AMBRA1: variants seen among roughly 807,000 people sequenced by gnomAD.
AMBRA1 encodes the protein activating molecule in BECN1-regulated autophagy protein 1.
Under a neutral mutation model 125.4 loss-of-function variants are expected in AMBRA1, and 47 were observed. The ratio of observed to expected loss-of-function variants is 0.37; its 90% CI spans 0.30 to 0.48. The LOEUF is 0.48. Ranked by LOEUF, AMBRA1 falls within the 20% of genes least tolerant of loss-of-function variation. The pLI is 0.99. For synonymous variants in AMBRA1, 626 were observed against 655.5 expected (o/e 0.95, Z 0.69); for missense variants, 1,331 against 1,693.4 (o/e 0.79, Z 3.76).
rs774440639 is a variant in AMBRA1, at chr11:46,542,029, T to G, written c.1988A>C (p.Gln663Pro). The change falls in exon 7 of 18, where the codon CAG (glutamine) becomes CCG (proline). Residue 663 changes from glutamine to proline, a missense_variant. Coordinates refer to ENST00000683756, the MANE Select transcript of AMBRA1 (RefSeq NM_001387011.1). The surrounding 1 kb of genome is among the most constrained non-coding windows in gnomAD (Gnocchi z 5.9). ...ETGHWERIYT[Q>P]SSRSGTVSQE... ...TGACACAGTTCCAGATCTGCTGGAC[T>G]GGGTGTAAATTCTTTCCCAGTGGCC... The G allele has an allele frequency of 6.2e-7, 1 of 1,614,072 alleles. No individual in the cohort carries two copies. Among genetic ancestry groups the G allele is most frequent in the South Asian group, 1.1e-5 (1 of 91,068 alleles).
chr11:46,579,045 T>TTA (rs755297972), intron 1 of AMBRA1, among the ~76,000 whole-genome samples: 4,930 of 67,936 alleles, frequency 0.073, 128 homozygotes, highest in Non-Finnish European at 0.11. Flanking sequence ...AAGAAAGCAA[T>TTA]AAAAAAAAAA....
intron 1 of AMBRA1, among the ~76,000 whole-genome samples, chr11:46,580,856 G>A (rs1312562224): frequency 1.8e-4 from 28 of 152,106 alleles, no homozygotes; most frequent in Non-Finnish European, 1.5e-5. Flanking sequence ...CAGTATCATG[G>A]TTTAAGCTAA....
At chr11:46,409,975 C>T (rs1053341162) in intron 16 of AMBRA1, among the ~76,000 whole-genome samples, 3 of 152,188 alleles carry the variant, frequency 2.0e-5, no homozygotes, top group Admixed American at 6.5e-5. Flanking sequence ...CTTCATGGGG[C>T]GGCATCCTTC....
At chr11:46,447,078 C>T (rs1443336105) in intron 11 of AMBRA1, among the ~76,000 whole-genome samples, 3 of 152,160 alleles carry the variant, frequency 2.0e-5, no homozygotes, top group Non-Finnish European at 4.4e-5. Context: ...ATAGTACCTA[C>T]AACTTACAGG....
At chr11:46,514,096 T>A (rs1951378844) in intron 7 of AMBRA1, among the ~76,000 whole-genome samples, 1 of 152,180 alleles carries the variant, frequency 6.6e-6, no homozygotes, top group Non-Finnish European at 1.5e-5. Context: ...TGCCTGCCTT[T>A]CCTAGGAACA....
rs760490717 is a variant in AMBRA1, at chr11:46,557,136, CA to C, written c.-120-8637del. On this transcript the variant is annotated intron_variant, in intron 1 of 17. Coordinates refer to ENST00000683756, the MANE Select transcript of AMBRA1 (RefSeq NM_001387011.1). ...GGGCAACAAGAGCGAAACTCCATCT[CA>C]AAAAAAAAAAAAAATTAGCCAGGCA... Among the ~76,000 whole-genome samples the C allele has an allele frequency of 5.4e-3, 611 of 113,106 alleles. 2 individuals are homozygous for C. Among genetic ancestry groups the C allele is most frequent in the Middle Eastern group, 5.4e-3 (1 of 184 alleles). 74.2% of individuals were successfully genotyped at this position (113,106 alleles called of 152,430 possible).
chr11:46,493,918 A>C, intron 10 of AMBRA1: 1 of 645,438 alleles, frequency 1.5e-6, no homozygotes, highest in Non-Finnish European at 2.6e-6. Flanking sequence ...TTCTGTTCTT[A>C]AACAGGATTC....
At chr11:46,540,499 C>T (rs1255246856) in intron 7 of AMBRA1, among the ~76,000 whole-genome samples, 2 of 152,154 alleles carry the variant, frequency 1.3e-5, no homozygotes, top group Non-Finnish European at 2.9e-5. Flanking sequence ...TGGTTTCAAG[C>T]ATATGGGCAG....
rs1216472647 is a variant in AMBRA1, at chr11:46,494,213, A to T, written c.2340-9T>A. ...ATCTGTCACCATTGTCCCTGAAAAAAATAAAAACACTACACATAAGAGAGT... is the reference window on the plus strand; with the variant it reads ...ATCTGTCACCATTGTCCCTGAAAAATATAAAAACACTACACATAAGAGAGT... On this transcript the variant is annotated splice_polypyrimidine_tract_variant and intron_variant, in intron 9 of 17. Coordinates refer to ENST00000683756, the MANE Select transcript of AMBRA1 (RefSeq NM_001387011.1). The T allele has an allele frequency of 6.9e-6, 11 of 1,592,634 alleles. No homozygotes were observed. The highest frequency in any genetic ancestry group is 9.4e-6 in the Non-Finnish European group (11 of 1,167,620).
intron 1 of AMBRA1, among the ~76,000 whole-genome samples, chr11:46,580,535 C>A (rs1239966055): frequency 6.6e-6 from 1 of 152,146 alleles, no homozygotes; most frequent in African/African-American, 2.4e-5. Flanking sequence ...CTTCATCTAC[C>A]CAGATGCTCA....
intron 12 of AMBRA1, among the ~76,000 whole-genome samples, chr11:46,442,974 G>C (rs1458799508): frequency 6.6e-6 from 1 of 152,116 alleles, no homozygotes; most frequent in African/African-American, 2.4e-5. Flanking sequence ...CGCCTGCCTT[G>C]GCCTCCCAAA....
At chr11:46,577,129 A>G (rs2043985677) in intron 1 of AMBRA1, among the ~76,000 whole-genome samples, 1 of 152,206 alleles carries the variant, frequency 6.6e-6, no homozygotes, top group Non-Finnish European at 1.5e-5. Context: ...GTATATTCCT[A>G]AAATAACTGA....
chr11:46,558,033 C>A (rs1409091004), intron 1 of AMBRA1, among the ~76,000 whole-genome samples: 1 of 152,050 alleles, frequency 6.6e-6, no homozygotes, highest in African/African-American at 2.4e-5. Flanking sequence ...ATCAAGATAC[C>A]AAGCAAATGA....
chr11:46,499,423 T>C (rs1950749946), intron 9 of AMBRA1, among the ~76,000 whole-genome samples: 2 of 152,202 alleles, frequency 1.3e-5, no homozygotes, highest in African/African-American at 4.8e-5. Context: ...TGCCCAGTAA[T>C]TCTAATTCTA....
At chr11:46,507,957 G>A (rs1182462062) in intron 9 of AMBRA1, among the ~76,000 whole-genome samples, 2 of 152,248 alleles carry the variant, frequency 1.3e-5, no homozygotes, top group Non-Finnish European at 2.9e-5. Context: ...CTGGCCTGGG[G>A]CCCAATGGGA....
intron 17 of AMBRA1, among the ~76,000 whole-genome samples, chr11:46,398,304 T>C (rs1945553956): frequency 6.6e-6 from 1 of 152,158 alleles, no homozygotes; most frequent in Non-Finnish European, 1.5e-5. Context: ...CTCCCTGTTG[T>C]GGAAACTCAG....
chr11:46,543,042 G>C lies in AMBRA1; in HGVS notation c.975C>G (p.His325Gln), dbSNP rs760900510. The change falls in exon 7 of 18, where the codon CAC (histidine) becomes CAG (glutamine). Residue 325 changes from histidine (H) to glutamine (Q), a missense_variant. This residue lies in a region of AMBRA1 where 689 missense variants were observed against 776.5 expected (regional missense o/e 0.89). Transcript: ENST00000683756. ...SGTRVPSLLPHQDSVPPASAR... is the reference protein window; with the variant it reads ...SGTRVPSLLPQQDSVPPASAR... ...CAGAAGCAGGGGGGACACTGTCCTG[G>C]TGTGGCAAGAGGGAAGGAACTCGAG... 1.3e-5 allele frequency: 20 copies of C among 1,599,112 alleles called. No individual in the cohort carries two copies. The highest frequency in any genetic ancestry group is 1.1e-5 in the South Asian group (1 of 91,082).
chr11:46,423,702 T>C (rs1455469650), intron 14 of AMBRA1, among the ~76,000 whole-genome samples: 1 of 151,728 alleles, frequency 6.6e-6, no homozygotes, highest in Non-Finnish European at 1.5e-5. Flanking sequence ...ATTTTTATTA[T>C]TTTTAAATTT....
intron 1 of AMBRA1, among the ~76,000 whole-genome samples, chr11:46,585,665 CAAAAAAAAAAA>C (rs1157368065): frequency 2.6e-4 from 2 of 7,600 alleles, no homozygotes; most frequent in Non-Finnish European, 4.2e-4. Context: ...GACTCCATCT[CAAAAAAAAAAA>C]AAAAAAAAAA....
Sources: allele counts gnomAD v4.1 joint callset (sites outside exome capture counted in the v4.1 genomes callset), GRCh38; gene constraint gnomAD v4.1.1; regional missense constraint gnomAD v4.1.1; non-coding constraint Gnocchi (gnomAD v3.1); transcripts MANE v1.5; gene names NCBI Gene and HGNC (gene_info 2026-07-23, HGNC 2026-07-21).